TOP2A: variants seen among roughly 807,000 people sequenced by gnomAD.
TOP2A encodes the protein DNA topoisomerase 2-alpha.
A neutral mutation model predicts 187.2 loss-of-function variants in TOP2A; 68 were observed. That is an observed-to-expected ratio of 0.36 (90% CI 0.30 to 0.44). TOP2A has a LOEUF of 0.44. Among genes scored for constraint, TOP2A ranks in the 20% least tolerant of loss-of-function variants. TOP2A has a pLI of 1.00. For missense variants in TOP2A, 1,196 were observed against 1,808.7 expected (o/e 0.66, Z 6.14); for synonymous variants, 542 against 593.2 (o/e 0.91, Z 1.25).
In TOP2A at chr17:40,407,603, A is replaced by T; in HGVS notation, c.1572T>A (p.Asp524Glu). Residue 524 changes from aspartate to glutamate, a missense_variant, in exon 13 of 35, where the codon GAT (aspartate) becomes GAA (glutamate). This residue lies in a region of TOP2A where 252 missense variants were observed against 434.8 expected (regional missense o/e 0.58). Coordinates refer to ENST00000423485, the MANE Select transcript of TOP2A (RefSeq NM_001067.4). ...VGLQYKKNYE[D>E]EDSLKTLRYG... ...AACGAAGCGTCTTCAATGAATCTTCATCTTCATAGTTTTTCTTGTACTGAA... is the reference window on the plus strand; with the variant it reads ...AACGAAGCGTCTTCAATGAATCTTCTTCTTCATAGTTTTTCTTGTACTGAA... 1.9e-6 allele frequency: 3 copies of T among 1,596,800 alleles called. No homozygotes were observed. The highest frequency in any genetic ancestry group is 2.6e-6 in the Non-Finnish European group (3 of 1,174,826).
At chr17:40,390,547 A>G (rs1195554701) in intron 33 of TOP2A, among the ~76,000 whole-genome samples, 2 of 151,992 alleles carry the variant, frequency 1.3e-5, no homozygotes, top group Admixed American at 1.3e-4. Flanking sequence ...CAGCAATGTG[A>G]TGACTGTATA....
In TOP2A at chr17:40,411,477, C is replaced by A; in HGVS notation, c.964-22G>T. The A allele has an allele frequency of 1.9e-6, 3 of 1,604,764 alleles. No homozygotes were observed. Among genetic ancestry groups the A allele is most frequent in the Non-Finnish European group, 2.6e-6 (3 of 1,171,584 alleles). On this transcript the variant is annotated intron_variant, in intron 8 of 34. Coordinates refer to ENST00000423485, the MANE Select transcript of TOP2A (RefSeq NM_001067.4). This position sits in a 1 kb window ranked among gnomAD's most constrained non-coding sequence, Gnocchi z 4.4. ...CACCCTAATAAGGAAAAATACCAAA[C>A]TGTAAAACTCAGTATCCTCAAAATT...
chr17:40,406,358 G>A (rs2035245209), intron 16 of TOP2A, 26 bp downstream of exon 16: 1 of 1,529,038 alleles, frequency 6.5e-7, no homozygotes, highest in African/African-American at 1.4e-5. Flanking sequence ...AAATTAGAAT[G>A]TATATAAAAT....
At position 40,389,756 on chromosome 17, in the gene TOP2A, C is replaced by T. The variant is rs1474132044; in HGVS notation, c.4468-109G>A. 5 of 1,406,996 alleles carry T rather than the reference C, an allele frequency of 3.6e-6. No individual in the cohort carries two copies. In the African/African-American group the frequency reaches 4.4e-5, roughly 12 times the overall value. The allele number at this position is 1,406,996 out of a possible 1,614,324, so 87.2% of individuals were successfully genotyped here. ...ATTCAAGGAGTTTTCTATTTTCTACCAAGTAATAAGAAGCAGATCTAAGGC... is the reference window on the plus strand; with the variant it reads ...ATTCAAGGAGTTTTCTATTTTCTACTAAGTAATAAGAAGCAGATCTAAGGC... On this transcript the variant is annotated intron_variant, in intron 34 of 34. Coordinates refer to ENST00000423485, the MANE Select transcript of TOP2A (RefSeq NM_001067.4).
intron 27 of TOP2A, among the ~76,000 whole-genome samples, chr17:40,397,814 TG>T (rs1164050866): frequency 1.3e-5 from 2 of 151,448 alleles, no homozygotes; most frequent in Admixed American, 1.3e-4. Context: ...GTTCCACTCT[TG>T]TTGCCCAGGC....
intron 29 of TOP2A, among the ~76,000 whole-genome samples, chr17:40,394,331 C>T (rs2035063629): frequency 6.6e-6 from 1 of 152,044 alleles, no homozygotes; most frequent in Non-Finnish European, 1.5e-5. Flanking sequence ...CACTGAATGG[C>T]ATACTTTATT....
At chr17:40,407,431 G>C in intron 13 of TOP2A, 118 bp downstream of exon 13, 1 of 780,924 alleles carries the variant, frequency 1.3e-6, no homozygotes, top group Non-Finnish European at 2.0e-6. Context: ...ATGTTGATTA[G>C]AGATGATGAA....
At chr17:40,408,231 T>A (rs2035272027) in intron 11 of TOP2A, 107 bp from the exon 12 acceptor site, 1 of 952,110 alleles carries the variant, frequency 1.1e-6, no homozygotes, top group Non-Finnish European at 1.5e-6. Flanking sequence ...ATTTACTATA[T>A]AATGAGCAAA....
At chr17:40,395,335 C>A in intron 29 of TOP2A, 114 bp downstream of exon 29, 1 of 402,838 alleles carries the variant, frequency 2.5e-6, no homozygotes, top group Non-Finnish European at 4.4e-6. Flanking sequence ...ATACAGTCCT[C>A]TTTCACGTTT....
rs749881883 is a variant in TOP2A, at chr17:40,389,957, ACACT to A, written c.4467+4_4467+7del. On this transcript the variant is annotated splice_donor_5th_base_variant and intron_variant, in intron 34 of 34. Coordinates refer to ENST00000423485, the MANE Select transcript of TOP2A (RefSeq NM_001067.4). The stretch of plus-strand genomic sequence containing the variant: ...ACAGCAAAAGGACTGACTAGGATCA[ACACT>A]CACCTTGCTTGTGACTGCTTTCGAA... The A allele has an allele frequency of 1.2e-6, 2 of 1,611,150 alleles. No homozygotes were observed. Among genetic ancestry groups the A allele is most frequent in the Non-Finnish European group, 1.7e-6 (2 of 1,178,516 alleles).
Position 40,402,907 on chromosome 17 carries a change from T to C in TOP2A, c.2431A>G (p.Ser811Gly). The part of the protein sequence containing the change: ...ASPRYIFTML[S>G]SLARLLFPPK... Reference sequence around the variant, plus strand: ...ACTAGAAAGTGAAAGCATACCTACCTGAGCATTGTAAAGATGTATCGTGGA... The same window carrying C: ...ACTAGAAAGTGAAAGCATACCTACCCGAGCATTGTAAAGATGTATCGTGGA... Residue 811 changes from serine to glycine, a missense_variant and splice_region_variant, in exon 20 of 35, where the codon AGC (serine) becomes GGC (glycine). Ser to Gly is a moderately conservative substitution (Grantham distance 56). Coordinates refer to ENST00000423485, the MANE Select transcript of TOP2A (RefSeq NM_001067.4). 1.2e-6 allele frequency: 2 copies of C among 1,603,716 alleles called. No homozygotes were observed. Among genetic ancestry groups the C allele is most frequent in the Non-Finnish European group, 1.7e-6 (2 of 1,174,272 alleles).
At chr17:40,409,958 C>A in intron 10 of TOP2A, 1 of 177,184 alleles carries the variant, frequency 5.6e-6, no homozygotes, top group South Asian at 9.7e-5. Flanking sequence ...CATGGTGATG[C>A]ATGCCTGTAA....
rs1029607777 is a variant in TOP2A at position 40,400,883 on chromosome 17, C to T, written c.2631G>A (p.Arg877=). ...FDVREIVNNI[R]RLMDGEEPLP... is the part of the protein sequence containing the mutation. ...AAGGTTCTTCTCCATCCATCAAACGCCTGATGTTATTTACAATTTCACGCA... is the reference window on the plus strand; with the variant it reads ...AAGGTTCTTCTCCATCCATCAAACGTCTGATGTTATTTACAATTTCACGCA... Residue 877 remains arginine, a synonymous_variant, in exon 21 of 35, where the codon AGG becomes AGA. Coordinates refer to ENST00000423485, the MANE Select transcript of TOP2A (RefSeq NM_001067.4). The T allele has an allele frequency of 6.2e-7, 1 of 1,613,972 alleles. No individual in the cohort carries two copies. Among genetic ancestry groups the T allele is most frequent in the Non-Finnish European group, 8.5e-7 (1 of 1,179,878 alleles).
chr17:40,409,509 AG>A (rs557477253), intron 10 of TOP2A: 115 of 442,564 alleles, frequency 2.6e-4, no homozygotes, highest in South Asian at 1.8e-3. Context: ...CTGTAATCAC[AG>A]CACTTTAGGA....
At chr17:40,407,164 T>C (rs1393771798) in intron 13 of TOP2A, among the ~76,000 whole-genome samples, 1 of 152,198 alleles carries the variant, frequency 6.6e-6, no homozygotes, top group Non-Finnish European at 1.5e-5. Flanking sequence ...CTCGGGAGGC[T>C]GAGGCAGGAG....
intron 19 of TOP2A, among the ~76,000 whole-genome samples, chr17:40,403,915 G>A (rs1443918011): frequency 6.6e-6 from 1 of 152,140 alleles, no homozygotes; most frequent in African/African-American, 2.4e-5. Flanking sequence ...ACATCACAAA[G>A]TTATAATAAA....
At chr17:40,391,696 T>C (rs2035023907) in intron 32 of TOP2A, 56 bp from the exon 33 acceptor site, 2 of 1,466,234 alleles carry the variant, frequency 1.4e-6, no homozygotes, top group African/African-American at 1.4e-5. Context: ...TGAAAATCCA[T>C]TTTCTGCTTT....
intron 33 of TOP2A, among the ~76,000 whole-genome samples, chr17:40,390,452 AG>A (rs1294893309): frequency 6.6e-6 from 1 of 151,994 alleles, no homozygotes; most frequent in Non-Finnish European, 1.5e-5. Flanking sequence ...GGCCTCCCAA[AG>A]TGCTGGGATT....
chr17:40,412,326 A>T (rs1358369588), intron 7 of TOP2A, among the ~76,000 whole-genome samples: 1 of 152,254 alleles, frequency 6.6e-6, no homozygotes, highest in Non-Finnish European at 1.5e-5. Flanking sequence ...TCTTTTCAAG[A>T]ACATATGTGA....
Sources: gnomAD v4.1 joint callset for allele counts (sites outside exome capture counted in the v4.1 genomes callset) on GRCh38, gnomAD v4.1.1 for gene constraint, gnomAD v4.1.1 regional missense constraint, Gnocchi (gnomAD v3.1) non-coding constraint, MANE v1.5 for transcripts, NCBI Gene and HGNC (gene_info 2026-07-23, HGNC 2026-07-21) for gene names.